The following CRTC3 variants were observed in gnomAD, a reference collection of about 807,000 sequenced individuals.
The protein encoded by CRTC3 is CREB-regulated transcription coactivator 3.
A neutral mutation model predicts 74.5 loss-of-function variants in CRTC3; 26 were observed. That is an observed-to-expected ratio of 0.35 (90% confidence interval 0.26 to 0.48). The LOEUF is 0.48. Ranked by LOEUF, CRTC3 falls within the 20% of genes least tolerant of loss-of-function variation. The pLI, the probability that CRTC3 is intolerant of heterozygous loss-of-function variation, is 0.99. For synonymous variants in CRTC3, 377 were observed against 325.8 expected, an observed-to-expected ratio of 1.16 and a Z score of -1.69; for missense variants, 760 against 787.3, an observed-to-expected ratio of 0.97 and a Z score of 0.41.
intron 3 of CRTC3, chr15:90,598,303 A>G (rs1043526396): frequency 1.6e-6 from 1 of 641,644 alleles, no homozygotes. Context: ...AGAAAGGGCC[A>G]GGGCGGGTCT....
At position 90,615,092 on chromosome 15, in the gene CRTC3, T is replaced by A. The variant is rs8036317; in HGVS notation, c.613+604T>A. Among the ~76,000 whole-genome samples, 542 of 152,030 alleles carry A rather than the reference T, an allele frequency of 3.6e-3. 6 individuals are homozygous for A. The highest frequency in any genetic ancestry group is 6.4e-3 in the South Asian group (31 of 4,818). On this transcript the variant is annotated intron_variant, in intron 7 of 14. Coordinates refer to ENST00000268184, the MANE Select transcript of CRTC3 (RefSeq NM_022769.5). ...TAAATAAATAAATAAATAAATAAATTAATTAATTGATCACTTAAACAATTA... is the reference window on the plus strand; with the variant it reads ...TAAATAAATAAATAAATAAATAAATAAATTAATTGATCACTTAAACAATTA...
chr15:90,573,730 T>C (rs1378978149), intron 2 of CRTC3, among the ~76,000 whole-genome samples: 4 of 152,346 alleles, frequency 2.6e-5, no homozygotes, highest in Non-Finnish European at 5.9e-5. Context: ...ATTTTACTTT[T>C]AGTTATGTTT....
chr15:90,532,888 C>G (rs1230956374), intron 1 of CRTC3, among the ~76,000 whole-genome samples: 1 of 150,500 alleles, frequency 6.6e-6, no homozygotes, highest in African/African-American at 2.4e-5. Flanking sequence ...AGATCGAGAC[C>G]ATCCTGGCCA....
At chr15:90,557,259 C>T (rs1267771615) in intron 2 of CRTC3, among the ~76,000 whole-genome samples, 4 of 152,064 alleles carry the variant, frequency 2.6e-5, no homozygotes, top group Non-Finnish European at 5.9e-5. Context: ...TAGGTAGGAC[C>T]GCCTACACTG....
At chr15:90,601,619 C>T (rs1319500038) in intron 3 of CRTC3, among the ~76,000 whole-genome samples, 4 of 152,102 alleles carry the variant, frequency 2.6e-5, no homozygotes, top group Non-Finnish European at 5.9e-5. Flanking sequence ...CGCCATTGCA[C>T]TCCAGCCTGG....
At chr15:90,602,001 G>A (rs961258999) in intron 3 of CRTC3, among the ~76,000 whole-genome samples, 2 of 152,190 alleles carry the variant, frequency 1.3e-5, no homozygotes, top group African/African-American at 2.4e-5. Flanking sequence ...CCTGGGCCTG[G>A]GTCCCTCACA....
intron 2 of CRTC3, 79 bp from the exon 3 acceptor site, chr15:90,593,557 C>A: frequency 6.5e-7 from 1 of 1,540,058 alleles, no homozygotes; most frequent in African/African-American, 1.4e-5. Context: ...CCTTTCATCT[C>A]CTGTTGTTAT....
rs1349920634 is a variant in CRTC3 at position 90,560,957 on chromosome 15, C to T, written c.231+20820C>T. Among the ~76,000 whole-genome samples the T allele has an allele frequency of 5.3e-5, 8 of 152,278 alleles. No individual in the cohort carries two copies. In the East Asian group the frequency reaches 1.3e-3, roughly 26 times the overall value. ...CTCTGTCATAAGTCTCTATGACCTG[C>T]CATCCAATATGTCAAAATAAACAAA... On this transcript the variant is annotated intron_variant, in intron 2 of 14. Coordinates refer to ENST00000268184, the MANE Select transcript of CRTC3 (RefSeq NM_022769.5).
At chr15:90,625,697 G>A (rs1968808818) in intron 9 of CRTC3, 79 bp from the exon 10 acceptor site, 3 of 1,302,104 alleles carry the variant, frequency 2.3e-6, no homozygotes, top group Non-Finnish European at 2.2e-6. Flanking sequence ...TATTTGACAA[G>A]GAAAAGGTTT....
intron 2 of CRTC3, among the ~76,000 whole-genome samples, chr15:90,548,337 A>C (rs1205521501): frequency 6.6e-6 from 1 of 152,242 alleles, no homozygotes; most frequent in African/African-American, 2.4e-5. Flanking sequence ...TTTAGGGAAC[A>C]ATCTGATGGT....
intron 2 of CRTC3, among the ~76,000 whole-genome samples, chr15:90,582,627 GTTAATA>G (rs773322208): frequency 2.6e-5 from 4 of 152,096 alleles, no homozygotes; most frequent in African/African-American, 9.7e-5. Flanking sequence ...ACACTGTATT[GTTAATA>G]TTAAGTATAC....
At chr15:90,614,782 G>A (rs2151086679) in intron 7 of CRTC3, among the ~76,000 whole-genome samples, 1 of 152,282 alleles carries the variant, frequency 6.6e-6, no homozygotes, top group East Asian at 1.9e-4. Flanking sequence ...TGAATGAATT[G>A]GCCTGGCACA....
intron 6 of CRTC3, among the ~76,000 whole-genome samples, chr15:90,608,381 G>A (rs1275100009): frequency 6.6e-6 from 1 of 151,900 alleles, no homozygotes; most frequent in East Asian, 1.9e-4. Context: ...CTGCTCCCCC[G>A]CCTCACACCC....
rs530712052 is a variant in CRTC3, at chr15:90,602,744, G to T, written c.413+359G>T. On this transcript the variant is annotated intron_variant, in intron 4 of 14. Transcript: ENST00000268184. ...TAATCCCAGCACTTTGGGAGGCTGA[G>T]GCGGGCAGATCACAAGGTCAGGAGA... Among the ~76,000 whole-genome samples the T allele has an allele frequency of 3.2e-3, 489 of 152,242 alleles. 8 individuals carry two copies. The highest frequency in any genetic ancestry group is 0.011 in the African/African-American group (470 of 41,536).
intron 4 of CRTC3, among the ~76,000 whole-genome samples, chr15:90,603,634 T>G (rs1028488112): frequency 6.6e-6 from 1 of 152,170 alleles, no homozygotes; most frequent in Non-Finnish European, 1.5e-5. Flanking sequence ...CTGCATCTGT[T>G]GTGTGCCTAG....
At chr15:90,561,853 TTTAAAC>T (rs1483837418) in intron 2 of CRTC3, among the ~76,000 whole-genome samples, 1 of 152,258 alleles carries the variant, frequency 6.6e-6, no homozygotes, top group Non-Finnish European at 1.5e-5. Context: ...GTTTTTATAC[TTTAAAC>T]TTAAAATGAA....
At chr15:90,536,480 G>A (rs1217105110) in intron 1 of CRTC3, among the ~76,000 whole-genome samples, 3 of 129,020 alleles carry the variant, frequency 2.3e-5, no homozygotes, top group Non-Finnish European at 5.1e-5. Flanking sequence ...GGGCAACAGA[G>A]ACCCTGTCTC....
intron 9 of CRTC3, among the ~76,000 whole-genome samples, chr15:90,622,169 C>G (rs1469046621): frequency 2.0e-5 from 3 of 152,160 alleles, no homozygotes; most frequent in African/African-American, 7.2e-5. Flanking sequence ...TTGCTTGGAT[C>G]TGACGCAGAG....
At chr15:90,531,037 C>T (rs1488640592) in intron 1 of CRTC3, among the ~76,000 whole-genome samples, 1 of 150,828 alleles carries the variant, frequency 6.6e-6, no homozygotes, top group East Asian at 2.0e-4. Flanking sequence ...CTTGGAGGAC[C>T]ATCGGGAGGA....
Sources: allele counts gnomAD v4.1 joint callset (sites outside exome capture counted in the v4.1 genomes callset), GRCh38; gene constraint gnomAD v4.1.1; transcripts MANE v1.5; gene names NCBI Gene and HGNC (gene_info 2026-07-23, HGNC 2026-07-21).